The following ADAMTS3 variants were observed in gnomAD, a reference collection of about 807,000 sequenced individuals.
The protein encoded by ADAMTS3 is ADAM metallopeptidase with thrombospondin type 1 motif 3.
A neutral mutation model predicts 129.0 loss-of-function variants in ADAMTS3; 73 were observed. The ratio of observed to expected loss-of-function variants is 0.57; its 90% CI spans 0.47 to 0.69. The LOEUF (loss-of-function observed/expected upper bound fraction) is 0.69, where lower values mean the gene tolerates loss of function less well. ADAMTS3 is among the 30% of genes least tolerant of loss of function. The probability of loss-of-function intolerance (pLI) is 0.00; values close to 1 mark genes in which losing one functional copy is unlikely to be tolerated. For missense variants in ADAMTS3, 1,457 were observed against 1,514.5 expected (o/e 0.96, Z 0.63); for synonymous variants, 477 against 510.8 (o/e 0.93, Z 0.89).
intron 4 of ADAMTS3, among the ~76,000 whole-genome samples, chr4:72,345,693 A>G (rs977631949): frequency 2.0e-5 from 3 of 152,100 alleles, no homozygotes; most frequent in Non-Finnish European, 4.4e-5. Flanking sequence ...CTTTTCCCCA[A>G]AAGTTCTAAT....
chr4:72,465,901 C>T (rs1047326121), intron 3 of ADAMTS3, among the ~76,000 whole-genome samples: 6 of 151,938 alleles, frequency 3.9e-5, no homozygotes, highest in African/African-American at 1.4e-4. Flanking sequence ...CTCTTGTCTG[C>T]CACCATGTAA....
At chr4:72,478,794 C>T (rs1719324443) in intron 3 of ADAMTS3, among the ~76,000 whole-genome samples, 1 of 151,940 alleles carries the variant, frequency 6.6e-6, no homozygotes, top group African/African-American at 2.4e-5. Flanking sequence ...CTAGAAAACC[C>T]CATTGTCTCA....
chr4:72,565,637 C>T lies in ADAMTS3; in HGVS notation c.97+1737G>A, dbSNP rs553203000. Among the ~76,000 whole-genome samples, 5 of 152,196 alleles carry T rather than the reference C, an allele frequency of 3.3e-5. No homozygotes were observed. In the East Asian group the frequency reaches 9.7e-4, roughly 29 times the overall value. The stretch of plus-strand genomic sequence containing the variant: ...ATGGTAATAATAAAAGAGAGAAATC[C>T]CATAAAACAGATGAATATGGGAACA... On this transcript the variant is annotated intron_variant, in intron 2 of 21. Coordinates refer to ENST00000286657, the MANE Select transcript of ADAMTS3 (RefSeq NM_014243.3).
intron 6 of ADAMTS3, among the ~76,000 whole-genome samples, chr4:72,322,692 T>C (rs1272353152): frequency 1.3e-5 from 2 of 152,178 alleles, no homozygotes; most frequent in Non-Finnish European, 1.5e-5. Flanking sequence ...CACTCGATGA[T>C]AACAATAGGC....
chr4:72,282,894 T>C lies in ADAMTS3; in HGVS notation c.*242A>G. ...AGCGACCAACACAATCTTAGCAACATATTTTTCTTTTGTAATAATCTTTGG... is the reference window on the plus strand; with the variant it reads ...AGCGACCAACACAATCTTAGCAACACATTTTTCTTTTGTAATAATCTTTGG... On this transcript the variant is annotated 3_prime_UTR_variant, in exon 22 of 22. Coordinates refer to ENST00000286657, the MANE Select transcript of ADAMTS3 (RefSeq NM_014243.3). 1 of 368,336 alleles carries C rather than the reference T, an allele frequency of 2.7e-6. No individual in the cohort carries two copies. Among genetic ancestry groups the C allele is most frequent in the Non-Finnish European group, 4.9e-6 (1 of 204,420 alleles). 22.8% of individuals were successfully genotyped at this position (368,336 alleles called of 1,614,324 possible). A position where few individuals can be genotyped will look rare whatever the true frequency, so the allele number is the denominator to read the frequency against.
chr4:72,503,046 T>C (rs530076930), intron 3 of ADAMTS3, among the ~76,000 whole-genome samples: 1 of 152,230 alleles, frequency 6.6e-6, no homozygotes, highest in East Asian at 1.9e-4. Context: ...GTTTTCTTGA[T>C]GGAGTCTCAC....
chr4:72,284,129 A>T (rs1484413048), intron 21 of ADAMTS3, among the ~76,000 whole-genome samples: 1 of 152,210 alleles, frequency 6.6e-6, no homozygotes, highest in African/African-American at 2.4e-5. Context: ...AAAATGTGAA[A>T]TCAAAATAAA....
chr4:72,409,182 A>G (rs1481855475), intron 4 of ADAMTS3, among the ~76,000 whole-genome samples: 4 of 152,226 alleles, frequency 2.6e-5, no homozygotes, highest in Admixed American at 2.0e-4. Context: ...CCTCCTAAGC[A>G]AAAGCAGTTG....
chr4:72,473,811 T>G (rs1213830447), intron 3 of ADAMTS3, among the ~76,000 whole-genome samples: 12 of 152,170 alleles, frequency 7.9e-5, no homozygotes. Context: ...AGTCACTCTT[T>G]CCCCTCCCCA....
At chr4:72,525,181 A>G (rs916798851) in intron 3 of ADAMTS3, among the ~76,000 whole-genome samples, 1 of 152,218 alleles carries the variant, frequency 6.6e-6, no homozygotes, top group Admixed American at 6.5e-5. Flanking sequence ...CACACTGGGA[A>G]GAGAAACTGC....
At chr4:72,485,429 G>C (rs1314022599) in intron 3 of ADAMTS3, among the ~76,000 whole-genome samples, 2 of 152,004 alleles carry the variant, frequency 1.3e-5, no homozygotes, top group Non-Finnish European at 2.9e-5. Flanking sequence ...AGATAAACAT[G>C]TCTATTCTAA....
intron 3 of ADAMTS3, among the ~76,000 whole-genome samples, chr4:72,514,820 C>A (rs1372618455): frequency 2.6e-5 from 4 of 151,864 alleles, no homozygotes; most frequent in African/African-American, 7.3e-5. Flanking sequence ...CCAATATTTA[C>A]AATCTTTTTT....
At chr4:72,477,373 C>T (rs1011615395) in intron 3 of ADAMTS3, among the ~76,000 whole-genome samples, 1 of 152,236 alleles carries the variant, frequency 6.6e-6, no homozygotes, top group South Asian at 2.1e-4. Context: ...AACTAGAACT[C>T]AGGATTAAGA....
intron 3 of ADAMTS3, among the ~76,000 whole-genome samples, chr4:72,493,363 T>A (rs1719795279): frequency 6.6e-6 from 1 of 151,998 alleles, no homozygotes; most frequent in Non-Finnish European, 1.5e-5. Flanking sequence ...TTGATTTATT[T>A]TCTTTATCTT....
At chr4:72,380,087 T>C (rs1299129590) in intron 4 of ADAMTS3, among the ~76,000 whole-genome samples, 2 of 152,140 alleles carry the variant, frequency 1.3e-5, no homozygotes, top group Non-Finnish European at 2.9e-5. Flanking sequence ...AAGGGTATTA[T>C]GTAATTCTAA....
intron 3 of ADAMTS3, among the ~76,000 whole-genome samples, chr4:72,451,533 A>G (rs551441024): frequency 6.6e-6 from 1 of 151,830 alleles, no homozygotes; most frequent in Non-Finnish European, 1.5e-5. Context: ...TTTAGAAAGA[A>G]GGCCAGCTCC....
chr4:72,447,549 A>G (rs1301951641), intron 3 of ADAMTS3, among the ~76,000 whole-genome samples: 2 of 151,784 alleles, frequency 1.3e-5, no homozygotes, highest in Non-Finnish European at 2.9e-5. Context: ...TGGAAAATAC[A>G]TTTAACAAAA....
At chr4:72,325,180 T>C (rs1424617374) in intron 5 of ADAMTS3, among the ~76,000 whole-genome samples, 1 of 152,200 alleles carries the variant, frequency 6.6e-6, no homozygotes, top group Admixed American at 6.5e-5. Context: ...TATATATCTA[T>C]AGAAAATAAA....
chr4:72,526,570 A>ATATG (rs375098241), intron 3 of ADAMTS3, among the ~76,000 whole-genome samples: 2 of 132,062 alleles, frequency 1.5e-5, no homozygotes, highest in Non-Finnish European at 1.6e-5. Context: ...AATGAAATTT[A>ATATG]TGTGTGTGTG....
Sources: gnomAD v4.1 joint callset for allele counts (sites outside exome capture counted in the v4.1 genomes callset) on GRCh38, gnomAD v4.1.1 for gene constraint, MANE v1.5 for transcripts, NCBI Gene and HGNC (gene_info 2026-07-23, HGNC 2026-07-21) for gene names.